Variants in KCNN2 observed in about 807,000 individuals in gnomAD.
KCNN2 encodes small conductance calcium-activated potassium channel protein 2.
KCNN2 carries 24 observed loss-of-function variants against 55.5 expected under a neutral mutation model. The observed-to-expected ratio is 0.43, with a 90% CI of 0.31 to 0.61. The LOEUF is 0.61. Among genes scored for constraint, KCNN2 ranks in the 20% least tolerant of loss-of-function variants. The probability of loss-of-function intolerance (pLI) is 0.08; values close to 1 mark genes in which losing one functional copy is unlikely to be tolerated. For synonymous variants in KCNN2, 431 were observed against 336.1 expected, an observed-to-expected ratio of 1.28 and a Z score of -3.09; for missense variants, 754 against 853.6, an observed-to-expected ratio of 0.88 and a Z score of 1.45.
At chr5:114,273,489 A>G (rs1203117452) in intron 2 of KCNN2, among the ~76,000 whole-genome samples, 3 of 151,910 alleles carry the variant, frequency 2.0e-5, no homozygotes, top group Non-Finnish European at 4.4e-5. Context: ...CCACGTTCCT[A>G]TTTTTCCATA....
At chr5:114,207,312 C>T (rs1384055880) in intron 1 of KCNN2, among the ~76,000 whole-genome samples, 1 of 152,176 alleles carries the variant, frequency 6.6e-6, no homozygotes, top group East Asian at 1.9e-4. Context: ...GATGAATAAA[C>T]TGTACCTTGG....
chr5:114,220,627 A>G (rs1393102829), intron 1 of KCNN2, among the ~76,000 whole-genome samples: 1 of 152,200 alleles, frequency 6.6e-6, no homozygotes, highest in Non-Finnish European at 1.5e-5. Flanking sequence ...GGAGCCAATT[A>G]GAAATCCTGG....
At chr5:114,205,690 A>T (rs1438721556) in intron 1 of KCNN2, among the ~76,000 whole-genome samples, 1 of 152,188 alleles carries the variant, frequency 6.6e-6, no homozygotes, top group Non-Finnish European at 1.5e-5. Context: ...GCTTATTTAA[A>T]CCCAAATGCA....
chr5:114,294,954 T>C (rs1454051233), intron 2 of KCNN2, among the ~76,000 whole-genome samples: 1 of 152,216 alleles, frequency 6.6e-6, no homozygotes, highest in African/African-American at 2.4e-5. Context: ...TTTTGATCTT[T>C]GTTGATTTAA....
At chr5:114,273,740 G>T (rs141510650) in intron 2 of KCNN2, among the ~76,000 whole-genome samples, 7,426 of 152,214 alleles carry the variant, frequency 0.049, 225 homozygotes, top group Non-Finnish European at 0.067. Context: ...TGTAGATTCT[G>T]GATATTAGTC....
intron 2 of KCNN2, among the ~76,000 whole-genome samples, chr5:114,332,743 A>G (rs1324172431): frequency 6.6e-6 from 1 of 152,190 alleles, no homozygotes; most frequent in Non-Finnish European, 1.5e-5. Flanking sequence ...ACATCAGCTG[A>G]AAGCCAGGGA....
intron 3 of KCNN2, among the ~76,000 whole-genome samples, chr5:114,459,779 G>C (rs1761109425): frequency 6.6e-6 from 1 of 152,158 alleles, no homozygotes; most frequent in East Asian, 1.9e-4. Context: ...CTAGAAAGAT[G>C]CATGTTTCTA....
intron 1 of KCNN2, among the ~76,000 whole-genome samples, chr5:114,090,520 C>A (rs1751116258): frequency 6.6e-6 from 1 of 150,910 alleles, no homozygotes; most frequent in African/African-American, 2.4e-5. Context: ...TTTCTCTCTC[C>A]CTCACTCTTC....
At position 114,233,646 on chromosome 5, in the gene KCNN2, GA is replaced by G. The variant is rs1326586167; in HGVS notation, c.-185+12089del. On this transcript the variant is annotated intron_variant, in intron 2 of 10. Coordinates refer to the KCNN2 transcript ENST00000512097. ...TGTTTTGCACTTTTATTCTTATAGT[GA>G]AAAAAAATCAGAATTTTCTCCATTG... 2.6e-5 allele frequency among the ~76,000 whole-genome samples: 4 copies of G among 151,488 alleles called. No individual in the cohort carries two copies. The East Asian group carries it at 7.7e-4, about 29-fold the overall frequency.
intron 5 of KCNN2, among the ~76,000 whole-genome samples, chr5:114,477,513 G>A (rs913807645): frequency 2.6e-5 from 4 of 151,760 alleles, no homozygotes; most frequent in African/African-American, 7.3e-5. Context: ...AAAAATGGCC[G>A]ACAGGTACAT....
intron 3 of KCNN2, among the ~76,000 whole-genome samples, chr5:114,407,274 A>C (rs1049837426): frequency 6.6e-6 from 1 of 151,716 alleles, no homozygotes; most frequent in African/African-American, 2.4e-5. Context: ...ATTATTCCCT[A>C]ATTTTCTTAT....
intron 1 of KCNN2, among the ~76,000 whole-genome samples, chr5:114,137,959 A>C (rs1752205377): frequency 6.6e-6 from 1 of 152,128 alleles, no homozygotes; most frequent in South Asian, 2.1e-4. Flanking sequence ...AACAGAGCTA[A>C]ATTTTTCCAA....
intron 2 of KCNN2, among the ~76,000 whole-genome samples, chr5:114,236,372 GT>G (rs1158072295): frequency 6.6e-6 from 1 of 151,650 alleles, no homozygotes; most frequent in African/African-American, 2.4e-5. Flanking sequence ...TAAAGATTAT[GT>G]TTTTTTCTTT....
At chr5:114,245,013 A>T (rs760907980) in intron 2 of KCNN2, among the ~76,000 whole-genome samples, 2 of 152,254 alleles carry the variant, frequency 1.3e-5, no homozygotes, top group Non-Finnish European at 2.9e-5. Flanking sequence ...AAAAGCCAAG[A>T]AATAATAGTT....
chr5:114,333,255 A>G (rs1756860056), intron 2 of KCNN2, among the ~76,000 whole-genome samples: 1 of 152,250 alleles, frequency 6.6e-6, no homozygotes, highest in Admixed American at 6.5e-5. Flanking sequence ...CCAAATGAAA[A>G]TTGGACAGGC....
chr5:114,127,727 T>C (rs1332137801), intron 1 of KCNN2, among the ~76,000 whole-genome samples: 1 of 152,242 alleles, frequency 6.6e-6, no homozygotes, highest in African/African-American at 2.4e-5. Context: ...TTGTTTTCTA[T>C]TGCCTCATCA....
At chr5:114,271,784 G>A (rs1345672103) in intron 2 of KCNN2, among the ~76,000 whole-genome samples, 1 of 151,966 alleles carries the variant, frequency 6.6e-6, no homozygotes, top group African/African-American at 2.4e-5. Context: ...TAGAAGCTTG[G>A]GCTTCTGAAT....
chr5:114,152,481 A>G (rs1409760185), intron 1 of KCNN2, among the ~76,000 whole-genome samples: 3 of 152,220 alleles, frequency 2.0e-5, no homozygotes, highest in Non-Finnish European at 4.4e-5. Flanking sequence ...GGAAGACTGT[A>G]CAATAGGTGT....
chr5:114,451,896 CAAA>C (rs756263922), intron 3 of KCNN2, among the ~76,000 whole-genome samples: 8 of 93,958 alleles, frequency 8.5e-5, no homozygotes, highest in Admixed American at 1.2e-4. Context: ...GACACTGTCT[CAAA>C]AAAAAAAAAA....
Sources: gnomAD v4.1 joint callset for allele counts (sites outside exome capture counted in the v4.1 genomes callset) on GRCh38, gnomAD v4.1.1 for gene constraint, MANE v1.5 for transcripts, NCBI Gene and HGNC (gene_info 2026-07-23, HGNC 2026-07-21) for gene names.